Variants in ALCAM observed in about 807,000 individuals in gnomAD.
The protein encoded by ALCAM is CD166 antigen.
Under a neutral mutation model 70.9 loss-of-function variants are expected in ALCAM, and 30 were observed. The observed-to-expected ratio is 0.42, with a 90% CI of 0.32 to 0.57. The LOEUF (loss-of-function observed/expected upper bound fraction) is 0.57. Ranked by LOEUF, ALCAM falls within the 20% of genes least tolerant of loss-of-function variation. ALCAM has a pLI of 0.11. For synonymous variants in ALCAM, 249 were observed against 242.5 expected, an observed-to-expected ratio of 1.03 and a Z score of -0.25; for missense variants, 591 against 695.1, an observed-to-expected ratio of 0.85 and a Z score of 1.68.
chr3:105,468,923 T>C lies in ALCAM; in HGVS notation c.74-51144T>C, dbSNP rs1363912915. 2.6e-5 allele frequency among the ~76,000 whole-genome samples: 4 copies of C among 151,456 alleles called. No homozygotes were observed. In the East Asian group the frequency reaches 7.8e-4, roughly 29 times the overall value. On this transcript the variant is annotated intron_variant, in intron 1 of 15. Transcript: ENST00000306107. ...TATTAATCTTGAGCATGAATGCTTATGTTTGAGCATAGTTAGATGCTTTAA... is the reference window on the plus strand; with the variant it reads ...TATTAATCTTGAGCATGAATGCTTACGTTTGAGCATAGTTAGATGCTTTAA...
At chr3:105,418,939 A>G (rs975185498) in intron 1 of ALCAM, among the ~76,000 whole-genome samples, 1 of 151,614 alleles carries the variant, frequency 6.6e-6, no homozygotes, top group Non-Finnish European at 1.5e-5. Flanking sequence ...TTTCTTTCTT[A>G]CAAATAAACC....
At chr3:105,371,383 C>T (rs1467191457) in intron 1 of ALCAM, among the ~76,000 whole-genome samples, 5 of 152,138 alleles carry the variant, frequency 3.3e-5, no homozygotes, top group African/African-American at 1.2e-4. Context: ...CCTTGCTCAG[C>T]ATTTCAAATT....
intron 1 of ALCAM, among the ~76,000 whole-genome samples, chr3:105,379,051 T>A (rs765030205): frequency 3.3e-5 from 5 of 152,002 alleles, no homozygotes; most frequent in Non-Finnish European, 7.4e-5. Context: ...GAGCTTGGGC[T>A]ATGGATCAGA....
chr3:105,421,238 C>A (rs1457124999), intron 1 of ALCAM, among the ~76,000 whole-genome samples: 3 of 151,124 alleles, frequency 2.0e-5, no homozygotes, highest in African/African-American at 7.3e-5. Flanking sequence ...TAATCACCAC[C>A]AATTGTCTGT....
intron 1 of ALCAM, among the ~76,000 whole-genome samples, chr3:105,402,189 A>T (rs1936106518): frequency 6.6e-6 from 1 of 152,234 alleles, no homozygotes; most frequent in South Asian, 2.1e-4. Context: ...GAAATATTCC[A>T]TCAAGAAATG....
rs539161487 is a variant in ALCAM, at chr3:105,380,005, C to G, written c.73+12524C>G. On this transcript the variant is annotated intron_variant, in intron 1 of 15. Transcript: ENST00000306107. The stretch of plus-strand genomic sequence containing the variant: ...CATCAAAAGAGAAAAAAGTTCATTT[C>G]TAGTGATAAAATAATGCATGTTTTC... 3.3e-5 allele frequency among the ~76,000 whole-genome samples: 5 copies of G among 151,714 alleles called. No homozygotes were observed. In the South Asian group the frequency reaches 1.0e-3, roughly 31 times the overall value.
At chr3:105,445,865 G>T (rs1937282321) in intron 1 of ALCAM, among the ~76,000 whole-genome samples, 1 of 152,130 alleles carries the variant, frequency 6.6e-6, no homozygotes, top group South Asian at 2.1e-4. Flanking sequence ...GATCTGAAAT[G>T]ATAAAACTAC....
At chr3:105,534,927 C>T (rs1939933108) in intron 6 of ALCAM, 82 bp downstream of exon 6, 4 of 1,320,814 alleles carry the variant, frequency 3.0e-6, no homozygotes, top group Non-Finnish European at 4.1e-6. Flanking sequence ...GGTCCCAATC[C>T]AATTACTCTT....
At chr3:105,553,624 A>G (rs1377539342) in intron 14 of ALCAM, among the ~76,000 whole-genome samples, 2 of 151,884 alleles carry the variant, frequency 1.3e-5, no homozygotes, top group African/African-American at 4.8e-5. Flanking sequence ...CAATGAAGCA[A>G]TATTCAAATG....
At chr3:105,444,446 A>G (rs904228606) in intron 1 of ALCAM, among the ~76,000 whole-genome samples, 2 of 151,878 alleles carry the variant, frequency 1.3e-5, no homozygotes, top group African/African-American at 4.8e-5. Context: ...GGGAGAAACC[A>G]CCCCCATGAT....
chr3:105,553,137 C>G (rs1307439304), intron 14 of ALCAM: 2 of 946,612 alleles, frequency 2.1e-6, no homozygotes, highest in Non-Finnish European at 2.5e-6. Flanking sequence ...ATTAAAGTAC[C>G]AACACTACAT....
chr3:105,375,913 G>A (rs978363167), intron 1 of ALCAM, among the ~76,000 whole-genome samples: 6 of 152,280 alleles, frequency 3.9e-5, no homozygotes, highest in East Asian at 3.9e-4. Context: ...GACGCTTATC[G>A]CGGAAACTTT....
chr3:105,447,981 A>C (rs1576169336), intron 1 of ALCAM, among the ~76,000 whole-genome samples: 1 of 152,214 alleles, frequency 6.6e-6, no homozygotes, highest in Non-Finnish European at 1.5e-5. Context: ...TTTCATATAG[A>C]TCTCTAGATT....
chr3:105,541,793 C>T (rs754575969), intron 8 of ALCAM, 28 bp downstream of exon 8: 2 of 1,610,218 alleles, frequency 1.2e-6, no homozygotes, highest in East Asian at 2.2e-5. Flanking sequence ...TCATCAGCAG[C>T]TTCACCTCAA....
chr3:105,460,954 T>C (rs554678805), intron 1 of ALCAM, among the ~76,000 whole-genome samples: 50 of 150,846 alleles, frequency 3.3e-4, no homozygotes, highest in Non-Finnish European at 5.8e-4. Context: ...AAGAGATATA[T>C]AGATAGAAGC....
At chr3:105,570,480 T>C (rs560243301) in intron 14 of ALCAM, among the ~76,000 whole-genome samples, 1 of 152,004 alleles carries the variant, frequency 6.6e-6, no homozygotes, top group East Asian at 1.9e-4. Flanking sequence ...AAAAGGAAAT[T>C]GGAATACACA....
chr3:105,399,120 T>C (rs2107367678), intron 1 of ALCAM, among the ~76,000 whole-genome samples: 1 of 152,304 alleles, frequency 6.6e-6, no homozygotes, highest in Non-Finnish European at 1.5e-5. Context: ...TTTTTTAAAA[T>C]GCTACTTGAG....
At chr3:105,489,756 G>A (rs962786574) in intron 1 of ALCAM, among the ~76,000 whole-genome samples, 1 of 152,136 alleles carries the variant, frequency 6.6e-6, no homozygotes, top group Non-Finnish European at 1.5e-5. Context: ...TTTTTATGCT[G>A]CCTTTAGGCA....
chr3:105,462,947 T>G (rs1384543399), intron 1 of ALCAM, among the ~76,000 whole-genome samples: 1 of 151,454 alleles, frequency 6.6e-6, no homozygotes, highest in African/African-American at 2.4e-5. Context: ...TCTCTAAATT[T>G]ACCTTGAGAG....
Sources: allele counts gnomAD v4.1 joint callset (sites outside exome capture counted in the v4.1 genomes callset), GRCh38; gene constraint gnomAD v4.1.1; transcripts MANE v1.5; gene names NCBI Gene and HGNC (gene_info 2026-07-23, HGNC 2026-07-21).